MAGI2: variants seen among roughly 807,000 people sequenced by gnomAD.
MAGI2 encodes membrane associated guanylate kinase, WW and PDZ domain containing 2, also known as membrane-associated guanylate kinase, WW and PDZ domain-containing protein 2.
MAGI2 carries 35 observed loss-of-function variants against 133.3 expected under a neutral mutation model. That is an observed-to-expected ratio of 0.26 (90% CI 0.20 to 0.35). MAGI2 has a LOEUF of 0.35. MAGI2 is among the 10% of genes least tolerant of loss of function. MAGI2 has a pLI of 1.00. For synonymous variants in MAGI2, 729 were observed against 710.6 expected, an observed-to-expected ratio of 1.03 and a Z score of -0.41; for missense variants, 1,636 against 1,863.4, an observed-to-expected ratio of 0.88 and a Z score of 2.25.
At chr7:78,134,962 A>G (rs1563165964) in intron 17 of MAGI2, 59 bp downstream of exon 17, 7 of 1,497,900 alleles carry the variant, frequency 4.7e-6, no homozygotes, top group Non-Finnish European at 6.4e-6. Flanking sequence ...GGCTGAGAAC[A>G]CCCGGTGAGT....
chr7:78,185,729 C>A lies in MAGI2; in HGVS notation c.2270-59G>T, dbSNP rs552244892. The A allele has an allele frequency of 6.8e-6, 9 of 1,323,032 alleles. No individual in the cohort carries two copies. The East Asian group carries it at 1.2e-4, about 17-fold the overall frequency. The allele number at this position is 1,323,032 out of a possible 1,614,324, so 82.0% of individuals were successfully genotyped here. A position where few individuals can be genotyped will look rare whatever the true frequency, so the allele number is the denominator to read the frequency against. ...TCATTTATGGCATTTTAAAATTCAT[C>A]TTTACTTTCTTTTTGTTGCTATCAT... On this transcript the variant is annotated intron_variant, in intron 12 of 21. Transcript: ENST00000354212.
At chr7:78,870,280 G>C (rs1794923093) in intron 2 of MAGI2, among the ~76,000 whole-genome samples, 1 of 150,810 alleles carries the variant, frequency 6.6e-6, no homozygotes, top group Non-Finnish European at 1.5e-5. Flanking sequence ...CAGGGATATT[G>C]AGGCTGCAGT....
intron 9 of MAGI2, among the ~76,000 whole-genome samples, chr7:78,310,843 G>T (rs1487675566): frequency 6.6e-6 from 1 of 152,196 alleles, no homozygotes; most frequent in Non-Finnish European, 1.5e-5. Context: ...TATAGCCCAA[G>T]AAATTGACTT....
chr7:78,276,558 T>C (rs1012564394), intron 9 of MAGI2, among the ~76,000 whole-genome samples: 1 of 152,144 alleles, frequency 6.6e-6, no homozygotes, highest in African/African-American at 2.4e-5. Context: ...AATTTTCTTA[T>C]AGACTCTTTA....
chr7:78,247,815 C>T (rs547095509), intron 10 of MAGI2, among the ~76,000 whole-genome samples: 1 of 152,108 alleles, frequency 6.6e-6, no homozygotes, highest in Admixed American at 6.5e-5. Flanking sequence ...CTATGGGAGT[C>T]CTGGGATACC....
At chr7:78,166,796 T>C (rs1427996435) in intron 15 of MAGI2, among the ~76,000 whole-genome samples, 2 of 152,184 alleles carry the variant, frequency 1.3e-5, no homozygotes, top group African/African-American at 4.8e-5. Flanking sequence ...TGCTAAGTTC[T>C]GGCCTAACAT....
intron 3 of MAGI2, among the ~76,000 whole-genome samples, chr7:78,559,238 GTT>G (rs375030951): frequency 2.3e-5 from 3 of 128,346 alleles, no homozygotes; most frequent in Non-Finnish European, 3.3e-5. Flanking sequence ...TTCCTTTCAG[GTT>G]TTTTTTTTTT....
At chr7:79,333,595 T>G (rs888423848) in intron 1 of MAGI2, among the ~76,000 whole-genome samples, 2 of 152,220 alleles carry the variant, frequency 1.3e-5, no homozygotes, top group African/African-American at 4.8e-5. Flanking sequence ...AGAATTTTGT[T>G]GGGTATTCAA....
intron 12 of MAGI2, among the ~76,000 whole-genome samples, chr7:78,189,348 G>A (rs745699149): frequency 7.9e-5 from 12 of 152,108 alleles, no homozygotes; most frequent in Non-Finnish European, 1.6e-4. Flanking sequence ...TTGAACTGGC[G>A]TGTGATCACT....
intron 2 of MAGI2, among the ~76,000 whole-genome samples, chr7:78,686,247 C>T (rs981383136): frequency 6.6e-6 from 1 of 151,898 alleles, no homozygotes; most frequent in Admixed American, 6.6e-5. Flanking sequence ...GGCACCTTTG[C>T]GAGCCATTCT....
chr7:78,286,258 TAAG>T (rs750019533), intron 9 of MAGI2, among the ~76,000 whole-genome samples: 22 of 152,208 alleles, frequency 1.4e-4, no homozygotes, highest in Admixed American at 1.2e-3. Flanking sequence ...GTCTTATTCT[TAAG>T]AGGATTTAAG....
chr7:78,614,349 A>T (rs1173414271), intron 3 of MAGI2: 1 of 148,054 alleles, frequency 6.8e-6, no homozygotes, highest in Non-Finnish European at 1.5e-5. Context: ...TGAGGTTTCT[A>T]AAAAAAATGG....
At position 78,018,154 on chromosome 7, in the gene MAGI2, A is replaced by G. The variant is rs545996730; in HGVS notation, c.*1161T>C. 2 of 152,528 alleles carry G rather than the reference A, an allele frequency of 1.3e-5. No individual in the cohort carries two copies. Among genetic ancestry groups the G allele is most frequent in the African/African-American group, 4.8e-5 (2 of 41,582 alleles). The allele number at this position is 152,528 out of a possible 1,614,324, so 9.4% of individuals were successfully genotyped here. A position where few individuals can be genotyped will look rare whatever the true frequency, so the allele number is the denominator to read the frequency against. On this transcript the variant is annotated 3_prime_UTR_variant, in exon 22 of 22. Transcript: ENST00000354212. Reference sequence around the variant, plus strand: ...ATAAAGTGGCAAGGAATACAAGACGAAAGAAAACTAATGGAAACAAAAGGA... The same window carrying G: ...ATAAAGTGGCAAGGAATACAAGACGGAAGAAAACTAATGGAAACAAAAGGA...
chr7:78,488,433 G>T (rs1793271486), intron 6 of MAGI2, among the ~76,000 whole-genome samples: 1 of 152,010 alleles, frequency 6.6e-6, no homozygotes, highest in African/African-American at 2.4e-5. Context: ...CTGCAAAATT[G>T]TTAAATTCAC....
At chr7:78,575,466 C>G (rs1802169865) in intron 3 of MAGI2, among the ~76,000 whole-genome samples, 1 of 152,084 alleles carries the variant, frequency 6.6e-6, no homozygotes, top group Non-Finnish European at 1.5e-5. Flanking sequence ...ATCCCCACTA[C>G]TTAAGTGTGG....
At chr7:78,672,753 G>T (rs1244337535) in intron 2 of MAGI2, among the ~76,000 whole-genome samples, 1 of 152,170 alleles carries the variant, frequency 6.6e-6, no homozygotes, top group Non-Finnish European at 1.5e-5. Context: ...TGTTGAATCA[G>T]AAACTCTGGA....
At chr7:78,838,734 A>C (rs1252707849) in intron 2 of MAGI2, among the ~76,000 whole-genome samples, 4 of 152,074 alleles carry the variant, frequency 2.6e-5, no homozygotes, top group Admixed American at 6.6e-5. Flanking sequence ...CTACAATTAA[A>C]ATAATAACAG....
At chr7:78,292,299 A>G (rs1336478819) in intron 9 of MAGI2, among the ~76,000 whole-genome samples, 3 of 152,206 alleles carry the variant, frequency 2.0e-5, no homozygotes, top group African/African-American at 7.2e-5. Flanking sequence ...ACAGACAAAC[A>G]GAGAGTCAAA....
chr7:78,864,724 A>G (rs568640332), intron 2 of MAGI2, among the ~76,000 whole-genome samples: 6 of 152,336 alleles, frequency 3.9e-5, no homozygotes, highest in African/African-American at 1.4e-4. Flanking sequence ...GTCATAAAGT[A>G]GGATACTAAA....
Sources: gnomAD v4.1 joint callset for allele counts (sites outside exome capture counted in the v4.1 genomes callset) on GRCh38, gnomAD v4.1.1 for gene constraint, MANE v1.5 for transcripts, NCBI Gene and HGNC (gene_info 2026-07-23, HGNC 2026-07-21) for gene names.